LRRC7: variants seen among roughly 807,000 people sequenced by gnomAD.
LRRC7 encodes leucine rich repeat containing 7.
A neutral mutation model predicts 175.7 loss-of-function variants in LRRC7; 23 were observed. The observed-to-expected ratio is 0.13, with a 90% confidence interval of 0.09 to 0.19. The LOEUF is 0.19. LRRC7 is among the 10% of genes least tolerant of loss of function. The probability of loss-of-function intolerance (pLI) is 1.00; values close to 1 mark genes in which losing one functional copy is unlikely to be tolerated. For synonymous variants in LRRC7, 685 were observed against 680.9 expected (o/e 1.01, Z -0.09); for missense variants, 1,354 against 1,904.7 (o/e 0.71, Z 5.38).
chr1:70,052,401 G>T (rs893192152), intron 22 of LRRC7, among the ~76,000 whole-genome samples: 2 of 151,708 alleles, frequency 1.3e-5, no homozygotes, highest in Non-Finnish European at 2.9e-5. Flanking sequence ...AATAAATTTG[G>T]TAATCAAAAC....
chr1:70,073,376 G>A (rs962327268), intron 23 of LRRC7, among the ~76,000 whole-genome samples: 3 of 151,950 alleles, frequency 2.0e-5, no homozygotes, highest in African/African-American at 4.8e-5. Flanking sequence ...CTATTACACC[G>A]GGAGTTCAAG....
At chr1:69,887,007 C>T (rs938239696) in intron 7 of LRRC7, among the ~76,000 whole-genome samples, 5 of 151,630 alleles carry the variant, frequency 3.3e-5, no homozygotes, top group African/African-American at 9.7e-5. Flanking sequence ...TGATGGGCTT[C>T]CCTTTGTGGG....
intron 3 of LRRC7, among the ~76,000 whole-genome samples, chr1:69,769,198 G>T (rs1198004156): frequency 6.6e-6 from 1 of 152,190 alleles, no homozygotes; most frequent in East Asian, 1.9e-4. Context: ...TTAGTCATGT[G>T]ACTTCAGACA....
At chr1:69,679,451 G>T (rs182964219) in intron 2 of LRRC7, among the ~76,000 whole-genome samples, 3 of 152,008 alleles carry the variant, frequency 2.0e-5, no homozygotes, top group Non-Finnish European at 4.4e-5. Flanking sequence ...AATTGTTCTT[G>T]TTTTGTTTAT....
Position 70,121,914 on chromosome 1 carries a change from G to A in LRRC7, c.*27G>A, listed in dbSNP as rs199709176. 37 of 1,475,592 alleles carry A rather than the reference G, an allele frequency of 2.5e-5. No individual in the cohort carries two copies. Among genetic ancestry groups the A allele is most frequent in the East Asian group, 1.8e-4 (8 of 44,164 alleles). The allele number at this position is 1,475,592 out of a possible 1,614,324, so 91.4% of individuals were successfully genotyped here. On this transcript the variant is annotated 3_prime_UTR_variant, in exon 27 of 27. Coordinates refer to ENST00000651989, the MANE Select transcript of LRRC7 (RefSeq NM_001370785.2). The stretch of plus-strand genomic sequence containing the variant: ...TATTTTTTATAAATAGTGAAGATAC[G>A]TCTAGCCAGACCTAATGTTCAAAAA...
chr1:69,672,149 T>C (rs1659172631), intron 1 of LRRC7, among the ~76,000 whole-genome samples: 1 of 152,226 alleles, frequency 6.6e-6, no homozygotes, highest in South Asian at 2.1e-4. Context: ...CTTTTTGTTG[T>C]GTGTGTAGAT....
chr1:69,884,764 G>A (rs1418857038), intron 7 of LRRC7, among the ~76,000 whole-genome samples: 1 of 147,190 alleles, frequency 6.8e-6, no homozygotes, highest in South Asian at 2.2e-4. Flanking sequence ...GTCATAGGTA[G>A]CTCTTATTAT....
At chr1:69,716,114 A>T in intron 2 of LRRC7, 1 of 417,260 alleles carries the variant, frequency 2.4e-6, no homozygotes. Flanking sequence ...GTTAATTGAA[A>T]TTTTTTAAAT....
At chr1:69,777,421 C>T (rs1354157731) in intron 3 of LRRC7, among the ~76,000 whole-genome samples, 1 of 152,148 alleles carries the variant, frequency 6.6e-6, no homozygotes, top group Non-Finnish European at 1.5e-5. Context: ...GGGAAAGCTC[C>T]TTGATCTTGC....
intron 1 of LRRC7, among the ~76,000 whole-genome samples, chr1:69,604,380 G>A (rs1183594841): frequency 6.6e-6 from 1 of 152,116 alleles, no homozygotes. Context: ...ATAATGTGAA[G>A]TTATGTATTG....
intron 1 of LRRC7, among the ~76,000 whole-genome samples, chr1:69,590,781 G>A (rs1417217285): frequency 6.6e-6 from 1 of 152,038 alleles, no homozygotes; most frequent in Non-Finnish European, 1.5e-5. Flanking sequence ...CAGTTCTTTA[G>A]TCCAGGCTTG....
At chr1:69,657,369 TAGC>T (rs1458029549) in intron 1 of LRRC7, among the ~76,000 whole-genome samples, 1 of 151,844 alleles carries the variant, frequency 6.6e-6, no homozygotes, top group African/African-American at 2.4e-5. Context: ...TGCAAAACAT[TAGC>T]AGTGCTTCAA....
chr1:69,898,447 C>A (rs1646040234), intron 7 of LRRC7, among the ~76,000 whole-genome samples: 1 of 152,194 alleles, frequency 6.6e-6, no homozygotes, highest in Non-Finnish European at 1.5e-5. Flanking sequence ...CTGAAAAGGA[C>A]TTTAATGGGA....
At chr1:69,740,938 T>C (rs1461204318) in intron 2 of LRRC7, among the ~76,000 whole-genome samples, 4 of 151,988 alleles carry the variant, frequency 2.6e-5, no homozygotes, top group African/African-American at 7.2e-5. Context: ...AGTGGAAGTA[T>C]TCATTCATAA....
intron 6 of LRRC7, among the ~76,000 whole-genome samples, chr1:69,837,839 T>C (rs974709237): frequency 3.1e-4 from 44 of 143,744 alleles, no homozygotes; most frequent in Admixed American, 7.4e-4. Context: ...TATATATTTC[T>C]TTAAAATCTA....
intron 7 of LRRC7, among the ~76,000 whole-genome samples, chr1:69,913,968 G>A (rs563013730): frequency 1.3e-5 from 2 of 152,140 alleles, no homozygotes; most frequent in Non-Finnish European, 2.9e-5. Flanking sequence ...TGATAAAATT[G>A]ACAGGTCTAA....
At chr1:69,579,379 G>C (rs1248538592) in intron 1 of LRRC7, among the ~76,000 whole-genome samples, 1 of 152,030 alleles carries the variant, frequency 6.6e-6, no homozygotes, top group African/African-American at 2.4e-5. Context: ...AATAAAAAAG[G>C]TTAAACCTTT....
chr1:70,097,140 C>G (rs145614276), intron 25 of LRRC7, among the ~76,000 whole-genome samples: 2 of 151,992 alleles, frequency 1.3e-5, no homozygotes, highest in African/African-American at 4.8e-5. Context: ...AAATATGATT[C>G]CCCCACCCCT....
At chr1:69,728,516 T>C (rs1159874814) in intron 2 of LRRC7, among the ~76,000 whole-genome samples, 3 of 152,180 alleles carry the variant, frequency 2.0e-5, no homozygotes, top group African/African-American at 4.8e-5. Context: ...ACAGATTAGA[T>C]AGTTATTGCT....
Sources: gnomAD v4.1 joint callset for allele counts (sites outside exome capture counted in the v4.1 genomes callset) on GRCh38, gnomAD v4.1.1 for gene constraint, MANE v1.5 for transcripts, NCBI Gene and HGNC (gene_info 2026-07-23, HGNC 2026-07-21) for gene names.